The following MGRN1 variants were observed in gnomAD, a reference collection of about 807,000 sequenced individuals.
MGRN1 encodes E3 ubiquitin-protein ligase MGRN1.
A neutral mutation model predicts 69.2 loss-of-function variants in MGRN1; 29 were observed. The ratio of observed to expected loss-of-function variants is 0.42; its 90% CI spans 0.31 to 0.57. MGRN1 has a LOEUF of 0.57. Among genes scored for constraint, MGRN1 ranks in the 20% least tolerant of loss-of-function variants. The probability of loss-of-function intolerance (pLI) is 0.15; values close to 1 mark genes in which losing one functional copy is unlikely to be tolerated. For missense variants in MGRN1, 998 were observed against 796.2 expected (o/e 1.25, Z -3.05); for synonymous variants, 470 against 344.2 (o/e 1.37, Z -4.04).
chr16:4,681,481 A>G, intron 12 of MGRN1, 69 bp from the exon 13 acceptor site: 2 of 1,454,624 alleles, frequency 1.4e-6, no homozygotes, highest in Non-Finnish European at 1.9e-6. Flanking sequence ...ACAGGAGGTC[A>G]TCAGGAGGAG....
rs768292858 is a variant in MGRN1 at position 4,681,677 on chromosome 16, C to T, written c.1259C>T (p.Ser420Leu). 1.9e-5 allele frequency: 30 copies of T among 1,613,364 alleles called. No homozygotes were observed. Among genetic ancestry groups the T allele is most frequent in the East Asian group, 1.8e-4 (8 of 44,894 alleles). ...LYEEITYSGI[S>L]DGLSQASCPL... is the part of the protein sequence containing the mutation. ...GAAGAAATCACCTATTCAGGCATCT[C>T]GGACGGCCTGTCCCAGGCCAGCTGT... Residue 420 changes from serine (S) to leucine (L), a missense_variant, in exon 13 of 17, where the codon TCG (serine) becomes TTG (leucine). Physicochemically the swap from Ser to Leu is moderately radical, Grantham distance 145. Coordinates refer to ENST00000262370, the MANE Select transcript of MGRN1 (RefSeq NM_015246.4).
At chr16:4,660,455 C>T (rs181931101) in intron 5 of MGRN1, among the ~76,000 whole-genome samples, 1 of 152,214 alleles carries the variant, frequency 6.6e-6, no homozygotes, top group Non-Finnish European at 1.5e-5. Flanking sequence ...CAGTAAAGCA[C>T]TGTCAGCACC....
At chr16:4,681,375 C>A (rs887810272) in intron 12 of MGRN1, 175 bp from the exon 13 acceptor site, 11 of 611,902 alleles carry the variant, frequency 1.8e-5, no homozygotes, top group African/African-American at 1.5e-4. Context: ...CGTGCTGGAG[C>A]TGATGGCTGA....
intron 16 of MGRN1, chr16:4,687,898 C>G (rs2079368881): frequency 2.0e-6 from 2 of 985,438 alleles, no homozygotes; most frequent in Admixed American, 6.1e-5. Flanking sequence ...CTGTTGACCC[C>G]TGTCCTGAGC....
rs1324327917 is a variant in MGRN1 at position 4,689,620 on chromosome 16, C to G, written c.*712C>G. 2.0e-5 allele frequency: 3 copies of G among 152,288 alleles called. No individual in the cohort carries two copies. Among genetic ancestry groups the G allele is most frequent in the Admixed American group, 2.0e-4 (3 of 15,282 alleles). The allele number at this position is 152,288 out of a possible 1,614,324, so 9.4% of individuals were successfully genotyped here. On this transcript the variant is annotated 3_prime_UTR_variant, in exon 17 of 17. Coordinates refer to ENST00000262370, the MANE Select transcript of MGRN1 (RefSeq NM_015246.4). ...CATTCAGTGGCCTTGTCACCAAGCT[C>G]CACACCTCCTCCTGGTGCTGGCTTT...
At chr16:4,681,421 G>T in intron 12 of MGRN1, 129 bp from the exon 13 acceptor site, 1 of 843,310 alleles carries the variant, frequency 1.2e-6, no homozygotes, top group Non-Finnish European at 1.8e-6. Context: ...GGGAGCTCTT[G>T]GCCACCCTCT....
At position 4,652,668 on chromosome 16, in the gene MGRN1, C is replaced by G. The variant is rs1596282569; in HGVS notation, c.297-10C>G. On this transcript the variant is annotated splice_polypyrimidine_tract_variant and intron_variant, in intron 3 of 16. Coordinates refer to ENST00000262370, the MANE Select transcript of MGRN1 (RefSeq NM_015246.4). ...TGACCCGCTGCCTTTCTCTCCACCGCCTGGGGTAGGTACAAAGACGATGCC... is the reference window on the plus strand; with the variant it reads ...TGACCCGCTGCCTTTCTCTCCACCGGCTGGGGTAGGTACAAAGACGATGCC... 1 of 1,603,902 alleles carries G rather than the reference C, an allele frequency of 6.2e-7. No homozygotes were observed. Among genetic ancestry groups the G allele is most frequent in the Non-Finnish European group, 8.5e-7 (1 of 1,173,556 alleles).
In MGRN1 at chr16:4,682,987, C is replaced by T. The variant is rs537907636; in HGVS notation, c.1482+41C>T. 116 of 1,504,778 alleles carry T rather than the reference C, an allele frequency of 7.7e-5. 2 individuals carry two copies. The South Asian group carries it at 1.4e-3, about 18-fold the overall frequency. The allele number at this position is 1,504,778 out of a possible 1,614,324, so 93.2% of individuals were successfully genotyped here. A position where few individuals can be genotyped will look rare whatever the true frequency, so the allele number is the denominator to read the frequency against. ...GGAAGCTTTGCGCACCCGCCCGGGC[C>T]AGCCCTCCTCCAGCTTCTGTCGCTG... On this transcript the variant is annotated intron_variant, in intron 14 of 16. Coordinates refer to ENST00000262370, the MANE Select transcript of MGRN1 (RefSeq NM_015246.4).
At chr16:4,652,258 C>T (rs1045174945) in intron 3 of MGRN1, among the ~76,000 whole-genome samples, 3 of 152,108 alleles carry the variant, frequency 2.0e-5, no homozygotes, top group Admixed American at 6.6e-5. Flanking sequence ...TCAGCTGTGC[C>T]GCACAGGGAC....
At chr16:4,682,997 C>T (rs1031019814) in intron 14 of MGRN1, 51 bp downstream of exon 14, 3 of 1,498,612 alleles carry the variant, frequency 2.0e-6, no homozygotes, top group Non-Finnish European at 2.7e-6. Context: ...CAGCCCTCCT[C>T]CAGCTTCTGT....
At chr16:4,661,428 A>G (rs1216582925) in intron 5 of MGRN1, among the ~76,000 whole-genome samples, 1 of 152,228 alleles carries the variant, frequency 6.6e-6, no homozygotes, top group Non-Finnish European at 1.5e-5. Context: ...GCCTGGACAC[A>G]CAGGGCTTCA....
At chr16:4,632,551 G>C (rs144610525) in intron 1 of MGRN1, among the ~76,000 whole-genome samples, 1 of 152,022 alleles carries the variant, frequency 6.6e-6, no homozygotes, top group Non-Finnish European at 1.5e-5. Context: ...CCGCCACTAC[G>C]TCTGGCTAAT....
chr16:4,668,565 G>C (rs898641721), intron 8 of MGRN1, among the ~76,000 whole-genome samples: 2 of 149,372 alleles, frequency 1.3e-5, no homozygotes, highest in Non-Finnish European at 3.0e-5. Flanking sequence ...ACTCCTACTC[G>C]CACACACTCA....
At chr16:4,634,034 A>C (rs770180416) in intron 1 of MGRN1, among the ~76,000 whole-genome samples, 4 of 152,192 alleles carry the variant, frequency 2.6e-5, no homozygotes, top group Non-Finnish European at 5.9e-5. Flanking sequence ...CAGGCTGTGA[A>C]AATTGCAGCT....
intron 8 of MGRN1, among the ~76,000 whole-genome samples, chr16:4,670,809 G>A (rs926881089): frequency 1.3e-5 from 2 of 152,370 alleles, no homozygotes; most frequent in Non-Finnish European, 1.5e-5. Context: ...TGTTGAGAGA[G>A]CTGACCAGCA....
At chr16:4,642,123 G>A (rs1475824526) in intron 1 of MGRN1, among the ~76,000 whole-genome samples, 1 of 118,670 alleles carries the variant, frequency 8.4e-6, no homozygotes, top group East Asian at 2.5e-4. Context: ...CATATGACTT[G>A]GTTCCTTTTT....
At chr16:4,678,236 C>A (rs1213108080) in intron 11 of MGRN1, among the ~76,000 whole-genome samples, 1 of 152,206 alleles carries the variant, frequency 6.6e-6, no homozygotes, top group African/African-American at 2.4e-5. Context: ...TCCAGGCCCA[C>A]CAGGCGCCCT....
intron 5 of MGRN1, among the ~76,000 whole-genome samples, 183 bp downstream of exon 5, chr16:4,657,546 G>A (rs1160508041): frequency 6.6e-6 from 1 of 152,218 alleles, no homozygotes; most frequent in African/African-American, 2.4e-5. Context: ...CCTGGGCCAT[G>A]TGCTGATGGG....
chr16:4,685,937 C>A (rs1040902734), intron 16 of MGRN1, among the ~76,000 whole-genome samples: 1 of 152,184 alleles, frequency 6.6e-6, no homozygotes, highest in Non-Finnish European at 1.5e-5. Context: ...TCCTGTCTAG[C>A]CTCAGCCCCC....
Sources: allele counts gnomAD v4.1 joint callset (sites outside exome capture counted in the v4.1 genomes callset), GRCh38; gene constraint gnomAD v4.1.1; transcripts MANE v1.5; gene names NCBI Gene and HGNC (gene_info 2026-07-23, HGNC 2026-07-21).